DNAJC12: variants seen among roughly 807,000 people sequenced by gnomAD.
The protein encoded by DNAJC12 is dnaJ homolog subfamily C member 12.
In DNAJC12, 25 loss-of-function variants were observed where a neutral mutation model predicts 28.5. The observed-to-expected ratio is 0.88, with a 90% CI of 0.64 to 1.22. DNAJC12 has a LOEUF of 1.22. Ranked by LOEUF, DNAJC12 falls within the 50% of genes most tolerant of loss-of-function variation. DNAJC12 has a pLI of 0.00. For synonymous variants in DNAJC12, 77 were observed against 80.6 expected (o/e 0.95, Z 0.24); for missense variants, 222 against 231.7 (o/e 0.96, Z 0.27).
intron 1 of DNAJC12, chr10:67,834,085 T>C: frequency 2.2e-6 from 1 of 459,596 alleles, no homozygotes; most frequent in Admixed American, 2.5e-5. Context: ...AGCTAAAAAA[T>C]GAAGTAAATG....
chr10:67,805,681 C>A lies in DNAJC12; in HGVS notation c.404G>T (p.Arg135Ile). 6.2e-7 allele frequency: 1 copy of A among 1,613,718 alleles called. No individual in the cohort carries two copies. The highest frequency in any genetic ancestry group is 1.1e-5 in the South Asian group (1 of 91,002). ...GGTTGAAGCCAGCTCCTCTTTCTTT[C>A]TTTCTCTTTGCTCATTACATTCCTC... ...ENEECNEQRE[R>I]KKEELASTAE... Residue 135 changes from arginine (R) to isoleucine (I), a missense_variant, in exon 4 of 5, where the codon AGA becomes ATA. Physicochemically the swap from Arg to Ile is moderately conservative, Grantham distance 97. Coordinates refer to ENST00000225171, the MANE Select transcript of DNAJC12 (RefSeq NM_021800.3).
chr10:67,818,558 A>T (rs770786646), intron 2 of DNAJC12, among the ~76,000 whole-genome samples: 1 of 152,222 alleles, frequency 6.6e-6, no homozygotes, highest in Non-Finnish European at 1.5e-5. Context: ...ATTGTTTGTC[A>T]GGGACAGAGA....
chr10:67,810,254 A>G (rs1175332857), intron 3 of DNAJC12, among the ~76,000 whole-genome samples: 3 of 152,206 alleles, frequency 2.0e-5, no homozygotes, highest in Non-Finnish European at 4.4e-5. Flanking sequence ...ATCTGCCCCC[A>G]TGATCCAATC....
intron 2 of DNAJC12, among the ~76,000 whole-genome samples, chr10:67,814,432 A>G (rs943127707): frequency 1.3e-5 from 2 of 152,110 alleles, no homozygotes; most frequent in East Asian, 3.8e-4. Flanking sequence ...ATAGGAATAA[A>G]TCTTTGTGAC....
At chr10:67,814,168 T>C (rs1841891141) in intron 2 of DNAJC12, among the ~76,000 whole-genome samples, 1 of 152,072 alleles carries the variant, frequency 6.6e-6, no homozygotes, top group Admixed American at 6.6e-5. Context: ...GACATACTTA[T>C]AAATGGAATA....
chr10:67,830,477 A>G (rs939588943), intron 1 of DNAJC12, among the ~76,000 whole-genome samples: 8 of 150,838 alleles, frequency 5.3e-5, no homozygotes, highest in African/African-American at 2.0e-4. Context: ...GCGTGGTGGC[A>G]GGCGCCTGTA....
chr10:67,812,288 G>A (rs577846096), intron 2 of DNAJC12, among the ~76,000 whole-genome samples: 10 of 152,142 alleles, frequency 6.6e-5, no homozygotes, highest in Non-Finnish European at 1.5e-4. Context: ...GGATGGGGCT[G>A]TAGAGTAGAC....
At chr10:67,805,885 T>C (rs754506816) in intron 3 of DNAJC12, 98 bp from the exon 4 acceptor site, 1 of 883,218 alleles carries the variant, frequency 1.1e-6, no homozygotes, top group South Asian at 2.3e-5. Flanking sequence ...CCTACTACTG[T>C]AGTGCTAATT....
At chr10:67,835,344 A>G (rs907174302) in intron 1 of DNAJC12, among the ~76,000 whole-genome samples, 1 of 152,218 alleles carries the variant, frequency 6.6e-6, no homozygotes, top group Admixed American at 6.5e-5. Flanking sequence ...AGGAAATGTC[A>G]TATTAGTCAA....
At chr10:67,803,208 A>G (rs566663254) in intron 4 of DNAJC12, among the ~76,000 whole-genome samples, 2 of 152,182 alleles carry the variant, frequency 1.3e-5, no homozygotes, top group Non-Finnish European at 2.9e-5. Context: ...ACCATTATAT[A>G]ACTAAGAAGA....
chr10:67,815,086 AT>A (rs1311206665), intron 2 of DNAJC12, among the ~76,000 whole-genome samples: 1 of 152,248 alleles, frequency 6.6e-6, no homozygotes, highest in East Asian at 1.9e-4. Context: ...AAAAGTGAAA[AT>A]AACACAAATG....
chr10:67,815,237 G>T (rs151255260), intron 2 of DNAJC12, among the ~76,000 whole-genome samples: 2 of 152,120 alleles, frequency 1.3e-5, no homozygotes, highest in South Asian at 4.1e-4. Context: ...GGCTGGGCAC[G>T]GTGGCTTACA....
At chr10:67,799,743 C>T (rs1296332689) in intron 4 of DNAJC12, among the ~76,000 whole-genome samples, 1 of 152,006 alleles carries the variant, frequency 6.6e-6, no homozygotes, top group South Asian at 2.1e-4. Flanking sequence ...ATTCGCTGGG[C>T]GTGGTAGCAC....
intron 1 of DNAJC12, among the ~76,000 whole-genome samples, chr10:67,832,608 A>C (rs1842105311): frequency 6.6e-6 from 1 of 152,158 alleles, no homozygotes; most frequent in Non-Finnish European, 1.5e-5. Flanking sequence ...TTACTGAAGA[A>C]TTTCCTTACT....
intron 2 of DNAJC12, among the ~76,000 whole-genome samples, chr10:67,817,741 G>A (rs961381032): frequency 1.3e-5 from 2 of 151,816 alleles, no homozygotes; most frequent in African/African-American, 4.8e-5. Flanking sequence ...AGCTGGGCGT[G>A]GTGGCACACA....
chr10:67,819,734 G>T (rs1227262447), intron 2 of DNAJC12, among the ~76,000 whole-genome samples: 11 of 21,088 alleles, frequency 5.2e-4, no homozygotes, highest in African/African-American at 2.3e-3. Flanking sequence ...AAGGAAGGAA[G>T]GAAGGAAGGA....
At chr10:67,822,517 A>G (rs554835919) in intron 2 of DNAJC12, among the ~76,000 whole-genome samples, 15 of 152,188 alleles carry the variant, frequency 9.9e-5, no homozygotes, top group African/African-American at 3.4e-4. Context: ...TCTGAAGAGA[A>G]GAAGAGAGGC....
intron 4 of DNAJC12, 32 bp downstream of exon 4, chr10:67,805,548 CCTT>C (rs751251150): frequency 6.4e-6 from 10 of 1,562,256 alleles, no homozygotes; most frequent in Non-Finnish European, 7.8e-6. Context: ...TAATTTCAGA[CCTT>C]CTCCATTCTG....
Position 67,838,164 on chromosome 10 carries a change from G to A in DNAJC12, c.-153C>T, listed in dbSNP as rs768938015. 3 of 561,742 alleles carry A rather than the reference G, an allele frequency of 5.3e-6. No individual in the cohort carries two copies. The highest frequency in any genetic ancestry group is 6.3e-6 in the Non-Finnish European group (2 of 319,302). The allele number at this position is 561,742 out of a possible 1,614,324, so 34.8% of individuals were successfully genotyped here. ...ACTGGCCACAGTCAATACACCAGAT[G>A]TCATCCTAGACCTTTGTAAACTCTG... On this transcript the variant is annotated 5_prime_UTR_variant, in exon 1 of 5. Coordinates refer to ENST00000225171, the MANE Select transcript of DNAJC12 (RefSeq NM_021800.3).
Sources: gnomAD v4.1 joint callset for allele counts (sites outside exome capture counted in the v4.1 genomes callset) on GRCh38, gnomAD v4.1.1 for gene constraint, MANE v1.5 for transcripts, NCBI Gene and HGNC (gene_info 2026-07-23, HGNC 2026-07-21) for gene names.